Variants in FARP1 observed in about 807,000 individuals in gnomAD.
FARP1 encodes the protein FERM, ARHGEF and pleckstrin domain-containing protein 1.
Under a neutral mutation model 128.8 loss-of-function variants are expected in FARP1, and 52 were observed. The observed-to-expected ratio is 0.40, with a 90% CI of 0.32 to 0.51. The LOEUF (loss-of-function observed/expected upper bound fraction) is 0.51, where lower values mean the gene tolerates loss of function less well. Among genes scored for constraint, FARP1 ranks in the 20% least tolerant of loss-of-function variants. The probability of loss-of-function intolerance (pLI) is 0.45; values close to 1 mark genes in which losing one functional copy is unlikely to be tolerated. For synonymous variants in FARP1, 580 were observed against 551.8 expected, an observed-to-expected ratio of 1.05 and a Z score of -0.72; for missense variants, 1,333 against 1,367.9, an observed-to-expected ratio of 0.97 and a Z score of 0.40.
intron 17 of FARP1, 143 bp downstream of exon 17, chr13:98,424,793 G>A (rs942356841): frequency 9.0e-6 from 6 of 663,096 alleles, no homozygotes; most frequent in African/African-American, 3.5e-5. Flanking sequence ...ACCCACCGCC[G>A]AGCAGCAGCT....
chr13:98,392,081 C>G (rs1358786744), intron 11 of FARP1, among the ~76,000 whole-genome samples: 1 of 151,824 alleles, frequency 6.6e-6, no homozygotes, highest in African/African-American at 2.4e-5. Flanking sequence ...ATGGTAAAAC[C>G]CCCTTGAACC....
chr13:98,346,409 C>T (rs1401583834), intron 3 of FARP1, among the ~76,000 whole-genome samples: 4 of 148,528 alleles, frequency 2.7e-5, no homozygotes, highest in African/African-American at 7.4e-5. Context: ...AGACTGGTCT[C>T]GAACTCCTGA....
chr13:98,398,724 G>C lies in FARP1; in HGVS notation c.1414+3248G>C, dbSNP rs181991111. 1.5e-4 allele frequency: 23 copies of C among 152,260 alleles called. No individual in the cohort carries two copies. The East Asian group carries it at 4.3e-3, about 28-fold the overall frequency. The allele number at this position is 152,260 out of a possible 1,614,324, so 9.4% of individuals were successfully genotyped here. A position where few individuals can be genotyped will look rare whatever the true frequency, so the allele number is the denominator to read the frequency against. On this transcript the variant is annotated intron_variant, in intron 13 of 26. Transcript: ENST00000319562. ...TCAGACATAGGAAAAATGTCAATTT[G>C]CTATGAGTGTTCAGTGAAGTGTGAG...
rs576764989 is a variant in FARP1 at position 98,292,664 on chromosome 13, G to A, written c.172-51098G>A. Among the ~76,000 whole-genome samples the A allele has an allele frequency of 1.2e-4, 18 of 152,336 alleles. No individual in the cohort carries two copies. In the South Asian group the frequency reaches 3.7e-3, roughly 32 times the overall value. The stretch of plus-strand genomic sequence containing the variant: ...CCCTGGTAGAACATTGTATTGGGCA[G>A]TACTGATGGAGAACATAGTATAGGA... On this transcript the variant is annotated intron_variant, in intron 2 of 26. Transcript: ENST00000319562.
chr13:98,227,127 A>G (rs1881836251), intron 2 of FARP1, among the ~76,000 whole-genome samples: 2 of 152,026 alleles, frequency 1.3e-5, no homozygotes, highest in African/African-American at 4.8e-5. Context: ...TATTTTTAGT[A>G]GAGACGGGGT....
At chr13:98,343,324 A>C (rs771750257) in intron 2 of FARP1, among the ~76,000 whole-genome samples, 1 of 152,206 alleles carries the variant, frequency 6.6e-6, no homozygotes, top group Non-Finnish European at 1.5e-5. Context: ...TTTACAGCAC[A>C]CGGAGTGAGC....
At chr13:98,327,024 C>T (rs997227495) in intron 2 of FARP1, among the ~76,000 whole-genome samples, 1 of 152,210 alleles carries the variant, frequency 6.6e-6, no homozygotes, top group African/African-American at 2.4e-5. Context: ...AGAATACTGT[C>T]GCTCTGAATA....
chr13:98,265,311 A>ATTTTTTTTT lies in FARP1; in HGVS notation c.171+51916_171+51924dup, dbSNP rs60809416. On this transcript the variant is annotated intron_variant, in intron 2 of 26. Transcript: ENST00000319562. ...ACCCACCCACACCCCTCCTTCCTGA[A>ATTTTTTTTT]TTTTTTTTTTTTTTTTTTTTTTTTT... 3.8e-3 allele frequency among the ~76,000 whole-genome samples: 226 copies of ATTTTTTTTT among 60,264 alleles called. 26 individuals are homozygous for ATTTTTTTTT. The highest frequency in any genetic ancestry group is 0.017 in the African/African-American group (217 of 12,744). The allele number at this position is 60,264 out of a possible 152,430, so 39.5% of individuals were successfully genotyped here.
At chr13:98,328,915 T>C (rs1887353554) in intron 2 of FARP1, 1 of 152,208 alleles carries the variant, frequency 6.6e-6, no homozygotes, top group South Asian at 2.1e-4. Context: ...TCTGAAATTT[T>C]CCATTTAAAA....
At chr13:98,305,750 C>T (rs1296828545) in intron 2 of FARP1, among the ~76,000 whole-genome samples, 4 of 152,324 alleles carry the variant, frequency 2.6e-5, no homozygotes, top group Non-Finnish European at 5.9e-5. Flanking sequence ...TCTCTGGCTG[C>T]ACATCTAGAG....
chr13:98,373,353 T>C (rs1274697685), intron 5 of FARP1, among the ~76,000 whole-genome samples: 2 of 152,172 alleles, frequency 1.3e-5, no homozygotes, highest in Admixed American at 1.3e-4. Context: ...TTTTAAAACA[T>C]GAAGCCCTCC....
At chr13:98,378,988 A>ATATACAATATATAATCTATATATAATC (rs1889733136) in intron 6 of FARP1, among the ~76,000 whole-genome samples, 1 of 84,332 alleles carries the variant, frequency 1.2e-5, no homozygotes, top group Non-Finnish European at 1.9e-5. Context: ...TATATATAAT[A>ATATACAATATATAATCTATATATAATC]TATATATAAT....
chr13:98,354,683 A>T (rs1664182604), intron 3 of FARP1, among the ~76,000 whole-genome samples: 1 of 152,246 alleles, frequency 6.6e-6, no homozygotes, highest in Admixed American at 6.5e-5. Context: ...ATGAAAGCTT[A>T]TGTCCATAAA....
At chr13:98,403,438 G>A (rs949457503) in intron 13 of FARP1, 1 of 152,202 alleles carries the variant, frequency 6.6e-6, no homozygotes, top group African/African-American at 2.4e-5. Context: ...TTTATGTTTT[G>A]AATGGAAACA....
At chr13:98,408,518 G>A (rs1160396208) in intron 13 of FARP1, among the ~76,000 whole-genome samples, 2 of 151,804 alleles carry the variant, frequency 1.3e-5, no homozygotes, top group African/African-American at 2.4e-5. Context: ...TGGTAGAGAC[G>A]GGGTTTCATC....
At chr13:98,352,603 T>G (rs1170294780) in intron 3 of FARP1, among the ~76,000 whole-genome samples, 1 of 152,190 alleles carries the variant, frequency 6.6e-6, no homozygotes, top group Non-Finnish European at 1.5e-5. Context: ...AACCATGACT[T>G]TAAACAGGTT....
At chr13:98,292,793 G>A (rs1885509508) in intron 2 of FARP1, among the ~76,000 whole-genome samples, 2 of 152,070 alleles carry the variant, frequency 1.3e-5, no homozygotes, top group Admixed American at 1.3e-4. Flanking sequence ...TTCTACAGTG[G>A]CATGATCTTG....
rs1555341450 is a variant in FARP1, at chr13:98,373,533, G to GCCAGAC, written c.399-4288_399-4287insCCAGAC. ...TTGACTTTCCAGAGACAGACAGACA[G>GCCAGAC]ACACACACACACACACACACACACA... On this transcript the variant is annotated intron_variant, in intron 5 of 26. Coordinates refer to ENST00000319562, the MANE Select transcript of FARP1 (RefSeq NM_005766.4). 5.9e-4 allele frequency among the ~76,000 whole-genome samples: 77 copies of GCCAGAC among 131,070 alleles called. 1 individual carries two copies. The highest frequency in any genetic ancestry group is 2.2e-3 in the African/African-American group (76 of 33,926). The allele number at this position is 131,070 out of a possible 152,430, so 86.0% of individuals were successfully genotyped here.
At chr13:98,269,997 TG>T (rs1884314211) in intron 2 of FARP1, among the ~76,000 whole-genome samples, 1 of 152,120 alleles carries the variant, frequency 6.6e-6, no homozygotes, top group South Asian at 2.1e-4. Flanking sequence ...CCCAACTACT[TG>T]GGAGGCTGAG....
Sources: gnomAD v4.1 joint callset for allele counts (sites outside exome capture counted in the v4.1 genomes callset) on GRCh38, gnomAD v4.1.1 for gene constraint, MANE v1.5 for transcripts, NCBI Gene and HGNC (gene_info 2026-07-23, HGNC 2026-07-21) for gene names.